Variants in EFCAB5 observed in about 807,000 individuals in gnomAD.
EFCAB5 encodes EF-hand calcium-binding domain-containing protein 5.
Under a neutral mutation model 167.9 loss-of-function variants are expected in EFCAB5, and 131 were observed. The ratio of observed to expected loss-of-function variants is 0.78; its 90% CI spans 0.68 to 0.90. The LOEUF (loss-of-function observed/expected upper bound fraction) is 0.90. Ranked by LOEUF, EFCAB5 falls within the 40% of genes least tolerant of loss-of-function variation. EFCAB5 has a pLI of 0.00. For synonymous variants in EFCAB5, 574 were observed against 602.8 expected, an observed-to-expected ratio of 0.95 and a Z score of 0.70; for missense variants, 1,663 against 1,745.2, an observed-to-expected ratio of 0.95 and a Z score of 0.84.
chr17:30,099,571 C>A (rs918668106), intron 22 of EFCAB5, among the ~76,000 whole-genome samples: 3 of 152,200 alleles, frequency 2.0e-5, no homozygotes, highest in Non-Finnish European at 2.9e-5. Context: ...TAATGATATG[C>A]CTTTTTATGG....
chr17:29,944,191 T>C (rs1310990053), intron 3 of EFCAB5, among the ~76,000 whole-genome samples: 1 of 152,098 alleles, frequency 6.6e-6, no homozygotes, highest in Non-Finnish European at 1.5e-5. Context: ...TCCTCCTATC[T>C]CAGCCTCCAG....
intron 3 of EFCAB5, among the ~76,000 whole-genome samples, chr17:29,944,343 G>T (rs1181899740): frequency 6.6e-6 from 1 of 152,158 alleles, no homozygotes; most frequent in African/African-American, 2.4e-5. Flanking sequence ...AGCCTCCAGA[G>T]TCACTGAGAT....
At chr17:30,024,607 C>T (rs895580875) in intron 7 of EFCAB5, among the ~76,000 whole-genome samples, 6 of 151,850 alleles carry the variant, frequency 4.0e-5, no homozygotes, top group African/African-American at 1.5e-4. Context: ...GGCCATACTG[C>T]CCAAGGTAAT....
At chr17:30,044,455 T>A (rs1333608865) in intron 8 of EFCAB5, among the ~76,000 whole-genome samples, 2 of 151,982 alleles carry the variant, frequency 1.3e-5, no homozygotes, top group Non-Finnish European at 2.9e-5. Flanking sequence ...GCCATACCTG[T>A]AATCTCAGCT....
chr17:30,048,409 T>G (rs1355123953), intron 8 of EFCAB5, among the ~76,000 whole-genome samples: 1 of 151,582 alleles, frequency 6.6e-6, no homozygotes, highest in East Asian at 1.9e-4. Context: ...TATGAAAATA[T>G]ATAAACGATT....
At chr17:30,094,415 A>T (rs1192876309) in intron 22 of EFCAB5, among the ~76,000 whole-genome samples, 1 of 151,260 alleles carries the variant, frequency 6.6e-6, no homozygotes, top group Non-Finnish European at 1.5e-5. Flanking sequence ...TCACACCTGT[A>T]ATCCCGACAC....
intron 3 of EFCAB5, chr17:29,950,562 CT>C (rs1014235971): frequency 4.0e-5 from 6 of 151,822 alleles, no homozygotes; most frequent in African/African-American, 1.2e-4. Flanking sequence ...TTTGCAGAGA[CT>C]GGGTCTTGCT....
At chr17:30,034,480 C>T in intron 8 of EFCAB5, 95 bp downstream of exon 8, 2 of 1,461,892 alleles carry the variant, frequency 1.4e-6, no homozygotes, top group South Asian at 1.4e-5. Context: ...TGGTGGATTA[C>T]TTGAGCCCAG....
Position 30,083,025 on chromosome 17 carries a change from A to C in EFCAB5, c.3561A>C (p.Val1187=). 1.2e-6 allele frequency: 2 copies of C among 1,613,972 alleles called. No individual in the cohort carries two copies. Among genetic ancestry groups the C allele is most frequent in the Non-Finnish European group, 1.7e-6 (2 of 1,179,870 alleles). ...SSITSITTYF[V]EPSPAQDSDY... Reference sequence around the variant, plus strand: ...TCACCTCCATCACTACGTACTTTGTAGAGCCTAGCCCAGCCCAGGTAGGCA... The same window carrying C: ...TCACCTCCATCACTACGTACTTTGTCGAGCCTAGCCCAGCCCAGGTAGGCA... Residue 1187 remains valine, a synonymous_variant, in exon 18 of 23, where the codon GTA becomes GTC. Transcript: ENST00000394835.
chr17:30,051,440 C>T (rs529059715), intron 9 of EFCAB5, among the ~76,000 whole-genome samples: 25 of 152,270 alleles, frequency 1.6e-4, no homozygotes, highest in African/African-American at 5.5e-4. Context: ...CAGTGCAATA[C>T]TCAAAAATTT....
chr17:29,943,732 G>A, intron 3 of EFCAB5, 83 bp downstream of exon 3: 1 of 1,235,186 alleles, frequency 8.1e-7, no homozygotes, highest in Non-Finnish European at 1.1e-6. Context: ...CCAGCACTTT[G>A]GGAGGCCGAG....
intron 14 of EFCAB5, chr17:30,065,806 A>G (rs1232477329): frequency 6.6e-6 from 1 of 152,230 alleles, no homozygotes; most frequent in Non-Finnish European, 1.5e-5. Context: ...AGCAAGCAGG[A>G]GTAGCTATAC....
intron 22 of EFCAB5, among the ~76,000 whole-genome samples, chr17:30,102,858 G>T (rs989375020): frequency 2.6e-5 from 4 of 151,864 alleles, no homozygotes; most frequent in African/African-American, 4.8e-5. Context: ...TGGAGACAAG[G>T]TCTCACTCTG....
chr17:29,975,937 CAAATT>C (rs1344778512), intron 4 of EFCAB5, among the ~76,000 whole-genome samples: 1 of 152,088 alleles, frequency 6.6e-6, no homozygotes, highest in Non-Finnish European at 1.5e-5. Context: ...AAAAAGAAAA[CAAATT>C]AAGAGAGGTT....
chr17:29,976,555 C>G (rs2068067235), intron 4 of EFCAB5, among the ~76,000 whole-genome samples: 1 of 152,118 alleles, frequency 6.6e-6, no homozygotes, highest in African/African-American at 2.4e-5. Flanking sequence ...CGACTTAAAG[C>G]TTATATACCC....
intron 22 of EFCAB5, among the ~76,000 whole-genome samples, chr17:30,096,822 G>A (rs1324957565): frequency 6.8e-6 from 1 of 147,016 alleles, no homozygotes; most frequent in African/African-American, 2.5e-5. Context: ...TGGGATTACA[G>A]GCACGTGCCA....
chr17:30,093,437 T>C (rs1474327898), intron 22 of EFCAB5, among the ~76,000 whole-genome samples: 4 of 152,206 alleles, frequency 2.6e-5, no homozygotes, highest in Non-Finnish European at 5.9e-5. Flanking sequence ...ACCAGAGGCC[T>C]CAGGCTGTGA....
chr17:29,942,490 G>A (rs761187614), intron 2 of EFCAB5, among the ~76,000 whole-genome samples, 188 bp downstream of exon 2: 3 of 152,082 alleles, frequency 2.0e-5, no homozygotes, highest in Non-Finnish European at 4.4e-5. Flanking sequence ...TCCATGGACA[G>A]GTAAATTATT....
At chr17:30,038,890 C>G (rs1235023275) in intron 8 of EFCAB5, among the ~76,000 whole-genome samples, 1 of 152,168 alleles carries the variant, frequency 6.6e-6, no homozygotes, top group Non-Finnish European at 1.5e-5. Context: ...GTGTTGGTCT[C>G]TGGTCCTTTC....
Sources: allele counts gnomAD v4.1 joint callset (sites outside exome capture counted in the v4.1 genomes callset), GRCh38; gene constraint gnomAD v4.1.1; transcripts MANE v1.5; gene names NCBI Gene and HGNC (gene_info 2026-07-23, HGNC 2026-07-21).